Variants in FOXO3 observed in about 807,000 individuals in gnomAD.
FOXO3 encodes the protein forkhead box O3, also known as forkhead box protein O3.
FOXO3 carries 4 observed loss-of-function variants against 41.9 expected under a neutral mutation model. The ratio of observed to expected loss-of-function variants is 0.10; its 90% CI spans 0.05 to 0.22. FOXO3 has a LOEUF of 0.22. FOXO3 is among the 10% of genes least tolerant of loss of function. The pLI, the probability that FOXO3 is intolerant of heterozygous loss-of-function variation, is 1.00. For synonymous variants in FOXO3, 318 were observed against 389.3 expected, an observed-to-expected ratio of 0.82 and a Z score of 2.16; for missense variants, 534 against 906.8, an observed-to-expected ratio of 0.59 and a Z score of 5.28.
chr6:108,631,569 T>A lies in FOXO3; in HGVS notation c.622-31886T>A, dbSNP rs151296700. 7.9e-5 allele frequency among the ~76,000 whole-genome samples: 12 copies of A among 152,248 alleles called. No individual in the cohort carries two copies. The East Asian group carries it at 2.3e-3, about 29-fold the overall frequency. On this transcript the variant is annotated intron_variant, in intron 1 of 2. Coordinates refer to ENST00000406360, the MANE Select transcript of FOXO3 (RefSeq NM_001455.4). ...TTCTGCTTTCTCAATTATCCTATAATCTTTGAAAACACATTGGTTTTTTTT... is the reference window on the plus strand; with the variant it reads ...TTCTGCTTTCTCAATTATCCTATAAACTTTGAAAACACATTGGTTTTTTTT...
intron 1 of FOXO3, among the ~76,000 whole-genome samples, chr6:108,583,065 A>G (rs1776474701): frequency 6.6e-6 from 1 of 152,172 alleles, no homozygotes; most frequent in African/African-American, 2.4e-5. Flanking sequence ...AAAGGAGGTT[A>G]CTTGAAACCA....
At chr6:108,628,676 A>G (rs1777878428) in intron 1 of FOXO3, among the ~76,000 whole-genome samples, 1 of 152,142 alleles carries the variant, frequency 6.6e-6, no homozygotes, top group Admixed American at 6.6e-5. Flanking sequence ...AGGAGGTGCC[A>G]TCAAAGTTCT....
At chr6:108,616,441 C>T (rs534056212) in intron 1 of FOXO3, among the ~76,000 whole-genome samples, 11 of 152,038 alleles carry the variant, frequency 7.2e-5, no homozygotes, top group South Asian at 6.2e-4. Context: ...GGATTACAGG[C>T]GTGAGCCACC....
At chr6:108,595,583 T>C (rs1434067302) in intron 1 of FOXO3, among the ~76,000 whole-genome samples, 1 of 152,224 alleles carries the variant, frequency 6.6e-6, no homozygotes, top group East Asian at 1.9e-4. Flanking sequence ...TAGAAGTGTA[T>C]GTTTCTGGAA....
At chr6:108,563,969 T>TA (rs1250688675) in intron 1 of FOXO3, among the ~76,000 whole-genome samples, 1 of 151,816 alleles carries the variant, frequency 6.6e-6, no homozygotes, top group African/African-American at 2.4e-5. Context: ...TTTTTTTTTT[T>TA]ACCCTTCTCT....
intron 2 of FOXO3, among the ~76,000 whole-genome samples, chr6:108,678,869 CTTTTTTTTTTTTT>C (rs1156923290): frequency 1.8e-5 from 1 of 55,018 alleles, no homozygotes; most frequent in African/African-American, 4.6e-5. Flanking sequence ...TTCTTAAATT[CTTTTTTTTTTTTT>C]TTTTTTTTTG....
chr6:108,603,978 T>TGA (rs1777122830), intron 1 of FOXO3, among the ~76,000 whole-genome samples: 1 of 152,152 alleles, frequency 6.6e-6, no homozygotes, highest in African/African-American at 2.4e-5. Context: ...TTTTTTACTA[T>TGA]GAAATTGCCT....
Position 108,585,320 on chromosome 6 carries a change from G to A in FOXO3, c.621+23491G>A, listed in dbSNP as rs376992886. Reference sequence around the variant, plus strand: ...GGCCTCCCAAAGTGCTGGGATTACAGGCGTGAGCCACCGCGCCCGGCCTCT... The same window carrying A: ...GGCCTCCCAAAGTGCTGGGATTACAAGCGTGAGCCACCGCGCCCGGCCTCT... On this transcript the variant is annotated intron_variant, in intron 1 of 2. Coordinates refer to ENST00000406360, the MANE Select transcript of FOXO3 (RefSeq NM_001455.4). Among the ~76,000 whole-genome samples the A allele has an allele frequency of 9.2e-5, 14 of 152,352 alleles. No individual in the cohort carries two copies. The East Asian group carries it at 2.5e-3, about 27-fold the overall frequency.
chr6:108,591,885 TTA>T (rs1491178768), intron 1 of FOXO3, among the ~76,000 whole-genome samples: 2 of 12,580 alleles, frequency 1.6e-4, no homozygotes, highest in Non-Finnish European at 7.9e-4. Context: ...CTCTTTTTAG[TTA>T]AAAAAAAAAA....
chr6:108,632,609 G>T (rs546056324), intron 1 of FOXO3, among the ~76,000 whole-genome samples: 19 of 151,938 alleles, frequency 1.3e-4, no homozygotes, highest in African/African-American at 4.6e-4. Flanking sequence ...CCCATATTTA[G>T]ACAGTGAGAC....
At chr6:108,652,378 C>G (rs1193273620) in intron 1 of FOXO3, among the ~76,000 whole-genome samples, 1 of 152,206 alleles carries the variant, frequency 6.6e-6, no homozygotes, top group East Asian at 1.9e-4. Context: ...CATGGCTTAT[C>G]ATTTTTCCAC....
At chr6:108,660,119 T>G (rs1393849508) in intron 1 of FOXO3, among the ~76,000 whole-genome samples, 1 of 152,172 alleles carries the variant, frequency 6.6e-6, no homozygotes, top group African/African-American at 2.4e-5. Context: ...CATTTCCATT[T>G]AGCCTCGGGA....
At chr6:108,645,571 C>T (rs1053416716) in intron 1 of FOXO3, among the ~76,000 whole-genome samples, 49 of 152,104 alleles carry the variant, frequency 3.2e-4, no homozygotes, top group African/African-American at 1.1e-3. Flanking sequence ...CCTTAATGGC[C>T]TCCACATGAG....
At chr6:108,578,360 C>T (rs764955143) in intron 1 of FOXO3, among the ~76,000 whole-genome samples, 4 of 152,194 alleles carry the variant, frequency 2.6e-5, no homozygotes, top group African/African-American at 9.7e-5. Flanking sequence ...ATCTTAACGT[C>T]GCTTGCCATC....
Position 108,664,143 on chromosome 6 carries a change from C to T in FOXO3, c.1310C>T (p.Pro437Leu). 2 of 1,614,088 alleles carry T rather than the reference C, an allele frequency of 1.2e-6. No individual in the cohort carries two copies. The highest frequency in any genetic ancestry group is 1.7e-6 in the Non-Finnish European group (2 of 1,180,018). ...TSSFNSTVFG[P>L]SSLNSLRQSP... The stretch of plus-strand genomic sequence containing the variant: ...TCCTTTAACAGCACGGTGTTCGGAC[C>T]TTCATCTCTGAACTCCCTACGCCAG... The change falls in exon 2 of 3, where the codon CCT becomes CTT. Residue 437 changes from proline (P) to leucine (L), a missense_variant. Pro to Leu is a moderately conservative substitution (Grantham distance 98). Transcript: ENST00000406360.
intron 1 of FOXO3, among the ~76,000 whole-genome samples, chr6:108,637,656 T>TC (rs1778153486): frequency 6.6e-6 from 1 of 152,142 alleles, no homozygotes; most frequent in South Asian, 2.1e-4. Flanking sequence ...TGTCTGTCTT[T>TC]CCCCCGGATG....
intron 1 of FOXO3, among the ~76,000 whole-genome samples, chr6:108,637,175 G>A (rs1778142196): frequency 6.6e-6 from 1 of 152,180 alleles, no homozygotes; most frequent in Admixed American, 6.5e-5. Flanking sequence ...AAAGTGGAGA[G>A]GCTATTTTTC....
At chr6:108,674,572 G>T (rs1469250480) in intron 2 of FOXO3, among the ~76,000 whole-genome samples, 1 of 152,200 alleles carries the variant, frequency 6.6e-6, no homozygotes, top group Non-Finnish European at 1.5e-5. Context: ...TAGATACTAG[G>T]TGAGTGACTT....
intron 2 of FOXO3, among the ~76,000 whole-genome samples, chr6:108,677,786 T>G (rs1335896597): frequency 1.3e-5 from 2 of 152,092 alleles, no homozygotes; most frequent in Non-Finnish European, 2.9e-5. Flanking sequence ...GGTAGAGTAG[T>G]TAGAATAGCA....
Sources: gnomAD v4.1 joint callset for allele counts (sites outside exome capture counted in the v4.1 genomes callset) on GRCh38, gnomAD v4.1.1 for gene constraint, MANE v1.5 for transcripts, NCBI Gene and HGNC (gene_info 2026-07-23, HGNC 2026-07-21) for gene names.